The following DCLK2 variants were observed in gnomAD, a reference collection of about 807,000 sequenced individuals.
DCLK2 encodes the protein serine/threonine-protein kinase DCLK2.
In DCLK2, 31 loss-of-function variants were observed where a neutral mutation model predicts 78.4. The observed-to-expected ratio is 0.40, with a 90% CI of 0.30 to 0.53. DCLK2 has a LOEUF of 0.53. DCLK2 is among the 20% of genes least tolerant of loss of function. The pLI, the probability that DCLK2 is intolerant of heterozygous loss-of-function variation, is 0.61. For missense variants in DCLK2, 872 were observed against 973.7 expected (o/e 0.90, Z 1.39); for synonymous variants, 407 against 374.9 (o/e 1.09, Z -0.99).
intron 10 of DCLK2, 120 bp from the exon 11 acceptor site, chr4:150,239,622 G>T: frequency 7.5e-7 from 1 of 1,325,554 alleles, no homozygotes; most frequent in African/African-American, 1.5e-5. Flanking sequence ...ATCACAAGGA[G>T]AGATTTCATT....
intron 2 of DCLK2, among the ~76,000 whole-genome samples, chr4:150,123,033 T>C (rs1732675103): frequency 6.6e-6 from 1 of 152,208 alleles, no homozygotes; most frequent in South Asian, 2.1e-4. Context: ...CAAGGGAATG[T>C]TGTAGCTGGA....
At chr4:150,250,414 GC>G (rs1478173078) in intron 15 of DCLK2, among the ~76,000 whole-genome samples, 1 of 152,084 alleles carries the variant, frequency 6.6e-6, no homozygotes, top group Admixed American at 6.5e-5. Flanking sequence ...AGCTGTCCAG[GC>G]CTGAGCCAAT....
chr4:150,191,125 A>T (rs930596617), intron 2 of DCLK2, among the ~76,000 whole-genome samples: 1 of 152,098 alleles, frequency 6.6e-6, no homozygotes, highest in Admixed American at 6.5e-5. Context: ...ACCCTGTCTC[A>T]AAAGGAACAA....
Position 150,256,205 on chromosome 4 carries a change from G to T in DCLK2, c.2259G>T (p.Pro753=), listed in dbSNP as rs768455393. 3.6e-6 allele frequency: 5 copies of T among 1,391,614 alleles called. No individual in the cohort carries two copies. The highest frequency in any genetic ancestry group is 7.2e-5 in the East Asian group (2 of 27,928). The allele number at this position is 1,391,614 out of a possible 1,614,324, so 86.2% of individuals were successfully genotyped here. ...SPTPHPPPAA[P]GGERAGTWRR... ...CCCCCCACCCTCCTCCCGCTGCCCC[G>T]GGTGGTGAGCGGGCAGGAACCTGGC... The change falls in exon 16 of 16, where the codon CCG becomes CCT. Residue 753 remains proline (P), a synonymous_variant. Transcript: ENST00000296550.
chr4:150,202,992 A>C (rs1429548768), intron 4 of DCLK2, among the ~76,000 whole-genome samples: 1 of 152,146 alleles, frequency 6.6e-6, no homozygotes, highest in Non-Finnish European at 1.5e-5. Context: ...AACTTTTTTC[A>C]GTTATTTTTT....
intron 2 of DCLK2, among the ~76,000 whole-genome samples, chr4:150,188,677 G>A (rs1051204113): frequency 2.6e-5 from 4 of 152,048 alleles, no homozygotes; most frequent in Non-Finnish European, 5.9e-5. Context: ...TGAGGCAGGC[G>A]GATCACGAGG....
chr4:150,229,328 A>G (rs148497219), intron 8 of DCLK2, among the ~76,000 whole-genome samples: 74 of 152,240 alleles, frequency 4.9e-4, no homozygotes, highest in African/African-American at 1.8e-3. Flanking sequence ...CCTCTTCTCA[A>G]AAAAAGAAAA....
intron 4 of DCLK2, 57 bp from the exon 5 acceptor site, chr4:150,203,738 G>A: frequency 7.1e-7 from 1 of 1,403,254 alleles, no homozygotes; most frequent in South Asian, 1.2e-5. Flanking sequence ...TATTTATACA[G>A]TCTGGTTGTT....
chr4:150,149,093 A>AAAAGAAAG (rs554232399), intron 2 of DCLK2, among the ~76,000 whole-genome samples: 3 of 151,524 alleles, frequency 2.0e-5, no homozygotes, highest in Non-Finnish European at 1.5e-5. Flanking sequence ...GAAAGAAAAG[A>AAAAGAAAG]AAAGAAAGAA....
At chr4:150,199,100 T>G in intron 4 of DCLK2, 12 of 1,591,156 alleles carry the variant, frequency 7.5e-6, no homozygotes, top group Non-Finnish European at 1.0e-5. Context: ...CTATTGTGGC[T>G]TTGTTGCTCT....
At chr4:150,125,745 G>A (rs980820163) in intron 2 of DCLK2, among the ~76,000 whole-genome samples, 8 of 152,028 alleles carry the variant, frequency 5.3e-5, no homozygotes, top group African/African-American at 1.9e-4. Flanking sequence ...CAAAAAATTA[G>A]CTGGGCGTGG....
chr4:150,191,653 A>C lies in DCLK2; in HGVS notation c.757-1485A>C, dbSNP rs1560852578. On this transcript the variant is annotated intron_variant, in intron 2 of 15. Coordinates refer to ENST00000296550, the MANE Select transcript of DCLK2 (RefSeq NM_001040260.4). ...TGGACACTGTAGCTAGAGCCGTTTC[A>C]GTGAGATACAGAAGCCACATCTTGC... Among the ~76,000 whole-genome samples, 5 of 152,290 alleles carry C rather than the reference A, an allele frequency of 3.3e-5. No individual in the cohort carries two copies. The South Asian group carries it at 1.0e-3, about 32-fold the overall frequency.
chr4:150,180,573 A>T (rs1560840644), intron 2 of DCLK2, among the ~76,000 whole-genome samples: 1 of 152,080 alleles, frequency 6.6e-6, no homozygotes, highest in Admixed American at 6.5e-5. Context: ...TGATCATTGG[A>T]CTCAATAGGT....
intron 2 of DCLK2, among the ~76,000 whole-genome samples, chr4:150,192,864 A>T (rs1738568548): frequency 6.6e-6 from 1 of 152,176 alleles, no homozygotes; most frequent in Admixed American, 6.5e-5. Context: ...CCTGGGGGAA[A>T]AATCACGTAC....
At chr4:150,088,953 G>A (rs1320207749) in intron 1 of DCLK2, among the ~76,000 whole-genome samples, 1 of 152,204 alleles carries the variant, frequency 6.6e-6, no homozygotes, top group African/African-American at 2.4e-5. Context: ...AATGCTCTAC[G>A]TGGGGTTAAG....
chr4:150,180,183 G>A (rs114224290), intron 2 of DCLK2, among the ~76,000 whole-genome samples: 1,806 of 152,294 alleles, frequency 0.012, 34 homozygotes, highest in African/African-American at 0.04. Context: ...AAGTTAGAGT[G>A]TAAATCTCAG....
intron 8 of DCLK2, among the ~76,000 whole-genome samples, chr4:150,224,805 C>A (rs926272127): frequency 5.3e-5 from 8 of 152,162 alleles, no homozygotes; most frequent in African/African-American, 1.9e-4. Context: ...CTGGGAGATA[C>A]CTATTTTAAC....
intron 2 of DCLK2, among the ~76,000 whole-genome samples, chr4:150,109,716 G>A (rs185696751): frequency 1.5e-3 from 224 of 152,288 alleles, no homozygotes; most frequent in Non-Finnish European, 2.5e-3. Flanking sequence ...CAAAGTGTGG[G>A]TAGCCCTGGT....
chr4:150,100,150 C>T (rs1274453472), intron 1 of DCLK2, among the ~76,000 whole-genome samples: 1 of 152,158 alleles, frequency 6.6e-6, no homozygotes, highest in Non-Finnish European at 1.5e-5. Flanking sequence ...TGGCCTCAAG[C>T]ATTCCTCTTG....
Sources: gnomAD v4.1 joint callset for allele counts (sites outside exome capture counted in the v4.1 genomes callset) on GRCh38, gnomAD v4.1.1 for gene constraint, MANE v1.5 for transcripts, NCBI Gene and HGNC (gene_info 2026-07-23, HGNC 2026-07-21) for gene names.